The following SEMA4D variants were observed in gnomAD, a reference collection of about 807,000 sequenced individuals.
The protein encoded by SEMA4D is semaphorin 4D.
In SEMA4D, 22 loss-of-function variants were observed where a neutral mutation model predicts 74.8. The ratio of observed to expected loss-of-function variants is 0.29; its 90% CI spans 0.21 to 0.42. The LOEUF is 0.42. SEMA4D is among the 10% of genes least tolerant of loss of function. The probability of loss-of-function intolerance (pLI) is 1.00; values close to 1 mark genes in which losing one functional copy is unlikely to be tolerated. For missense variants in SEMA4D, 937 were observed against 1,118.4 expected (o/e 0.84, Z 2.31); for synonymous variants, 445 against 463.7 (o/e 0.96, Z 0.52).
At chr9:89,390,568 C>A (rs1462951687) in intron 9 of SEMA4D, among the ~76,000 whole-genome samples, 2 of 152,214 alleles carry the variant, frequency 1.3e-5, no homozygotes, top group Non-Finnish European at 2.9e-5. Flanking sequence ...CTCTGATGTC[C>A]TGATGGTCAT....
At chr9:89,371,554 TG>T (rs1834817372) in intron 16 of SEMA4D, among the ~76,000 whole-genome samples, 1 of 4,450 alleles carries the variant, frequency 2.2e-4, no homozygotes, top group Non-Finnish European at 4.9e-4. Context: ...GTTTGGGGTG[TG>T]GTGTGTGGGG....
downstream of SEMA4D, among the ~76,000 whole-genome samples, chr9:89,372,756 G>A (rs1398435357): frequency 1.3e-5 from 2 of 152,002 alleles, no homozygotes; most frequent in African/African-American, 2.4e-5. Context: ...ACTGAGCCCA[G>A]GGTACCATGC....
chr9:89,409,891 G>A (rs1300862224), intron 2 of SEMA4D, among the ~76,000 whole-genome samples: 1 of 152,220 alleles, frequency 6.6e-6, no homozygotes, highest in African/African-American at 2.4e-5. Flanking sequence ...AGAGCCAGGA[G>A]ATGGGAGAAC....
chr9:89,418,326 C>T, intron 2 of SEMA4D: 1 of 964,106 alleles, frequency 1.0e-6, no homozygotes, highest in Non-Finnish European at 1.2e-6. Context: ...CAACCACCCA[C>T]CCACGAACAG....
chr9:89,455,492 G>A (rs1038228573), intron 2 of SEMA4D, among the ~76,000 whole-genome samples: 3 of 152,276 alleles, frequency 2.0e-5, no homozygotes, highest in South Asian at 2.1e-4. Flanking sequence ...ACTCCTAGGC[G>A]CACCAGTCCT....
rs1303484522 is a variant in SEMA4D at position 89,378,456 on chromosome 9, A to G, written c.*248T>C. On this transcript the variant is annotated 3_prime_UTR_variant, in exon 16 of 16. Coordinates refer to ENST00000422704, the MANE Select transcript of SEMA4D (RefSeq NM_001371194.2). ...CCGTGCCGCCCGTGGGCCTTCTTCA[A>G]GTACTCCGACTGACTTCGGAACACA... The G allele has an allele frequency of 2.5e-5, 12 of 479,436 alleles. No individual in the cohort carries two copies. In the East Asian group the frequency reaches 4.3e-4, roughly 17 times the overall value. The allele number at this position is 479,436 out of a possible 1,614,324, so 29.7% of individuals were successfully genotyped here.
intron 6 of SEMA4D, among the ~76,000 whole-genome samples, chr9:89,396,049 C>T (rs1237883877): frequency 3.9e-5 from 6 of 152,152 alleles, no homozygotes; most frequent in Admixed American, 3.9e-4. Flanking sequence ...ATAGAAAGGA[C>T]CGTCACACAG....
chr9:89,398,829 G>A (rs543016790), intron 5 of SEMA4D, among the ~76,000 whole-genome samples: 21 of 152,298 alleles, frequency 1.4e-4, no homozygotes, highest in Middle Eastern at 3.4e-3. Flanking sequence ...ACAGCAGGCC[G>A]AATAAATGGG....
chr9:89,457,534 C>T (rs984616061), intron 1 of SEMA4D, among the ~76,000 whole-genome samples: 1 of 151,016 alleles, frequency 6.6e-6, no homozygotes, highest in African/African-American at 2.4e-5. Flanking sequence ...CCCAGAAGTT[C>T]AAGACCAGCC....
intron 2 of SEMA4D, among the ~76,000 whole-genome samples, chr9:89,422,953 C>T (rs1847285263): frequency 6.6e-6 from 1 of 152,022 alleles, no homozygotes; most frequent in Non-Finnish European, 1.5e-5. Flanking sequence ...ATTTTAGAGA[C>T]TGTCAGCAAT....
In SEMA4D at chr9:89,387,585, G is replaced by A. The variant is rs145842030; in HGVS notation, c.1131C>T (p.Ala377=). 4.8e-5 allele frequency: 78 copies of A among 1,614,172 alleles called. No homozygotes were observed. Among genetic ancestry groups the A allele is most frequent in the African/African-American group, 1.9e-4 (14 of 75,052 alleles). The part of the protein sequence containing the change: ...PGACIDSEAR[A]ANYTSSLNLP... ...AATTCAAGGAGCTGGTGTAGTTGGCGGCCCGTGCCTCGCTGTCGATGCACT... is the reference window on the plus strand; with the variant it reads ...AATTCAAGGAGCTGGTGTAGTTGGCAGCCCGTGCCTCGCTGTCGATGCACT... The change falls in exon 12 of 16, where the codon GCC becomes GCT. Residue 377 remains alanine, a synonymous_variant. Transcript: ENST00000422704.
intron 6 of SEMA4D, among the ~76,000 whole-genome samples, chr9:89,394,033 T>C (rs183914828): frequency 1.6e-4 from 24 of 152,304 alleles, no homozygotes; most frequent in African/African-American, 5.5e-4. Flanking sequence ...AATTTTAACA[T>C]CAATAAAGAC....
chr9:89,376,932 C>T (rs772467717), downstream of SEMA4D: 17 of 1,550,670 alleles, frequency 1.1e-5, 1 homozygote, highest in South Asian at 5.9e-5. Flanking sequence ...GAGCTGCTGT[C>T]GGGCCCCGCA....
chr9:89,423,424 C>T (rs927280601), intron 2 of SEMA4D, among the ~76,000 whole-genome samples: 3 of 152,192 alleles, frequency 2.0e-5, no homozygotes, highest in South Asian at 2.1e-4. Context: ...CTCCCAACCT[C>T]GGTGATCCGT....
At chr9:89,367,210 C>G (rs187215814) in intron 16 of SEMA4D, 1 of 152,588 alleles carries the variant, frequency 6.6e-6, no homozygotes, top group Non-Finnish European at 1.5e-5. Context: ...TGTGCAGGGC[C>G]ACCCCATCAG....
intron 1 of SEMA4D, among the ~76,000 whole-genome samples, chr9:89,476,739 A>C (rs891347967): frequency 1.3e-5 from 2 of 152,208 alleles, no homozygotes; most frequent in African/African-American, 4.8e-5. Context: ...TGACCGACAC[A>C]ATCAATCAGG....
chr9:89,377,067 G>A (rs1835905159), downstream of SEMA4D: 2 of 1,523,050 alleles, frequency 1.3e-6, no homozygotes, highest in Non-Finnish European at 1.8e-6. Context: ...AGACAGAGAG[G>A]ACAGAAAAGA....
At position 89,492,645 on chromosome 9, in the gene SEMA4D, T is replaced by C. The variant is rs1216333183; in HGVS notation, c.-310+5274A>G. On this transcript the variant is annotated intron_variant, in intron 1 of 15. Transcript: ENST00000422704. This position sits in a 1 kb window ranked among gnomAD's most constrained non-coding sequence, Gnocchi z 4.3. ...TCTCAGAGTGATGGCAACTCTACCC[T>C]TCCAACACCCGATCCAAGACTCTTG... 6.6e-6 allele frequency among the ~76,000 whole-genome samples: 1 copy of C among 152,094 alleles called. No homozygotes were observed. The highest frequency in any genetic ancestry group is 2.4e-5 in the African/African-American group (1 of 41,414).
At chr9:89,429,110 A>G (rs745313020) in intron 2 of SEMA4D, among the ~76,000 whole-genome samples, 2 of 152,100 alleles carry the variant, frequency 1.3e-5, no homozygotes, top group Non-Finnish European at 1.5e-5. Flanking sequence ...CCTTCCCCAA[A>G]TGCAGGTTAC....
Sources: gnomAD v4.1 joint callset for allele counts (sites outside exome capture counted in the v4.1 genomes callset) on GRCh38, gnomAD v4.1.1 for gene constraint, Gnocchi (gnomAD v3.1) non-coding constraint, MANE v1.5 for transcripts, NCBI Gene and HGNC (gene_info 2026-07-23, HGNC 2026-07-21) for gene names.